THRB: variants seen among roughly 807,000 people sequenced by gnomAD.
THRB encodes thyroid hormone receptor beta.
THRB carries 12 observed loss-of-function variants against 47.8 expected under a neutral mutation model. The observed-to-expected ratio is 0.25, with a 90% CI of 0.16 to 0.41. The LOEUF is 0.41. Among genes scored for constraint, THRB ranks in the 10% least tolerant of loss-of-function variants. The probability of loss-of-function intolerance (pLI) is 1.00; values close to 1 mark genes in which losing one functional copy is unlikely to be tolerated. For missense variants in THRB, 348 were observed against 589.2 expected, an observed-to-expected ratio of 0.59 and a Z score of 4.24; for synonymous variants, 218 against 212.2, an observed-to-expected ratio of 1.03 and a Z score of -0.24.
chr3:24,270,807 G>C (rs1463550083), intron 3 of THRB, among the ~76,000 whole-genome samples: 2 of 152,132 alleles, frequency 1.3e-5, no homozygotes, highest in Non-Finnish European at 2.9e-5. Flanking sequence ...GGCTTGACTA[G>C]TTTATTTCTG....
At chr3:24,365,497 A>C (rs957389456) in intron 1 of THRB, among the ~76,000 whole-genome samples, 4 of 152,334 alleles carry the variant, frequency 2.6e-5, no homozygotes, top group South Asian at 2.1e-4. Flanking sequence ...CAATCTTTAG[A>C]AACTTGGGCC....
rs67972581 is a variant in THRB at position 24,159,727 on chromosome 3, CTGTGTGTGTGTGTGTGTG to C, written c.284-7255_284-7238del. Among the ~76,000 whole-genome samples the C allele has an allele frequency of 1.9e-3, 281 of 145,426 alleles. 1 individual carries two copies. Among genetic ancestry groups the C allele is most frequent in the Non-Finnish European group, 2.8e-3 (186 of 66,298 alleles). ...GAGACATTTTTGGTTGCCACAACTG[CTGTGTGTGTGTGTGTGTG>C]TGTGTGTGTGTGTGTGTGTGTGTGT... is the stretch of plus-strand genomic sequence containing the variant. On this transcript the variant is annotated intron_variant, in intron 5 of 10. Coordinates refer to ENST00000646209, the MANE Select transcript of THRB (RefSeq NM_001354712.2).
intron 1 of THRB, among the ~76,000 whole-genome samples, chr3:24,447,264 T>C (rs2072188458): frequency 6.6e-6 from 1 of 152,210 alleles, no homozygotes; most frequent in African/African-American, 2.4e-5. Context: ...TGCATTACCA[T>C]GAGAAAACCC....
Position 24,122,718 on chromosome 3 carries a change from C to A in THRB, c.*166G>T, listed in dbSNP as rs2031913443. 1 of 880,494 alleles carries A rather than the reference C, an allele frequency of 1.1e-6. No homozygotes were observed. The highest frequency in any genetic ancestry group is 1.7e-5 in the African/African-American group (1 of 59,766). 54.5% of individuals were successfully genotyped at this position (880,494 alleles called of 1,614,324 possible). A position where few individuals can be genotyped will look rare whatever the true frequency, so the allele number is the denominator to read the frequency against. On this transcript the variant is annotated 3_prime_UTR_variant, in exon 11 of 11. Coordinates refer to ENST00000646209, the MANE Select transcript of THRB (RefSeq NM_001354712.2). Reference sequence around the variant, plus strand: ...AACGAAATGCAATAGTTTCAAGTACCCGCATTCAAGGGGCAATTTCATCCA... The same window carrying A: ...AACGAAATGCAATAGTTTCAAGTACACGCATTCAAGGGGCAATTTCATCCA...
chr3:24,443,281 A>G (rs1366483985), intron 1 of THRB, among the ~76,000 whole-genome samples: 1 of 152,224 alleles, frequency 6.6e-6, no homozygotes, highest in Non-Finnish European at 1.5e-5. Flanking sequence ...TGAATTGATT[A>G]GAGAAAACAA....
chr3:24,426,503 G>A (rs143033164), intron 1 of THRB, among the ~76,000 whole-genome samples: 10 of 151,998 alleles, frequency 6.6e-5, no homozygotes, highest in Non-Finnish European at 1.5e-4. Flanking sequence ...TGACTGCAAA[G>A]CTAGCCATGT....
intron 1 of THRB, among the ~76,000 whole-genome samples, chr3:24,378,331 C>T (rs2065447076): frequency 6.6e-6 from 1 of 152,156 alleles, no homozygotes; most frequent in South Asian, 2.1e-4. Context: ...ATCATCTCTG[C>T]ACTTGTTAGG....
chr3:24,194,507 G>A (rs1422324337), intron 4 of THRB, among the ~76,000 whole-genome samples: 3 of 152,096 alleles, frequency 2.0e-5, no homozygotes, highest in Non-Finnish European at 4.4e-5. Context: ...TAGTTATGGT[G>A]AATTAAAAAT....
At chr3:24,404,393 T>G (rs1416688918) in intron 1 of THRB, among the ~76,000 whole-genome samples, 1 of 151,932 alleles carries the variant, frequency 6.6e-6, no homozygotes. Flanking sequence ...ATTTTCACAC[T>G]TATCATAAAA....
At chr3:24,218,030 G>T (rs1356549741) in intron 4 of THRB, among the ~76,000 whole-genome samples, 1 of 152,128 alleles carries the variant, frequency 6.6e-6, no homozygotes, top group Admixed American at 6.6e-5. Flanking sequence ...ACTTTGGGAG[G>T]CTGAGGCAGG....
At chr3:24,352,971 T>A (rs1342812791) in intron 1 of THRB, among the ~76,000 whole-genome samples, 1 of 152,156 alleles carries the variant, frequency 6.6e-6, no homozygotes, top group East Asian at 1.9e-4. Context: ...ACTCTAGTTT[T>A]TTCATTCATT....
chr3:24,149,964 GAGA>G (rs1176386793), intron 6 of THRB, among the ~76,000 whole-genome samples: 3 of 152,276 alleles, frequency 2.0e-5, no homozygotes, highest in African/African-American at 4.8e-5. Flanking sequence ...TTTGTATTCT[GAGA>G]AGAACTGTAT....
chr3:24,445,028 T>C (rs999938422), intron 1 of THRB, among the ~76,000 whole-genome samples: 11 of 152,112 alleles, frequency 7.2e-5, no homozygotes, highest in African/African-American at 2.7e-4. Context: ...CAAATTATAA[T>C]GGGATATATA....
intron 3 of THRB, among the ~76,000 whole-genome samples, chr3:24,246,103 G>A (rs1194841579): frequency 1.3e-5 from 2 of 152,106 alleles, no homozygotes; most frequent in Non-Finnish European, 2.9e-5. Flanking sequence ...GTCCCTTACG[G>A]AGATGTTGTA....
At chr3:24,175,337 A>G (rs1428497960) in intron 5 of THRB, among the ~76,000 whole-genome samples, 11 of 152,206 alleles carry the variant, frequency 7.2e-5, no homozygotes, top group African/African-American at 2.4e-4. Flanking sequence ...GAGTCCTAGC[A>G]TAGTGTCTTT....
chr3:24,325,233 T>C (rs2058728938), intron 2 of THRB, among the ~76,000 whole-genome samples: 1 of 152,158 alleles, frequency 6.6e-6, no homozygotes, highest in Non-Finnish European at 1.5e-5. Context: ...GGTCCCTAGA[T>C]TGGTAGGTAG....
chr3:24,403,567 G>C (rs908426430), intron 1 of THRB, among the ~76,000 whole-genome samples: 2 of 151,912 alleles, frequency 1.3e-5, no homozygotes, highest in African/African-American at 4.8e-5. Context: ...GCAGTAAGGA[G>C]TAAATCTGTG....
intron 3 of THRB, among the ~76,000 whole-genome samples, chr3:24,274,076 G>C: frequency 6.6e-6 from 1 of 152,222 alleles, no homozygotes; most frequent in African/African-American, 2.4e-5. Context: ...ATGCTCACCT[G>C]TGAAATGTGA....
chr3:24,117,822 A>G lies in THRB; in HGVS notation c.*5062T>C, dbSNP rs2030929540. On this transcript the variant is annotated 3_prime_UTR_variant, in exon 11 of 11. Transcript: ENST00000646209. Reference sequence around the variant, plus strand: ...TAGCTTTTTGTTACTTGTCATAGAAAGAATCTCAATTAACATGTGTTCAGG... The same window carrying G: ...TAGCTTTTTGTTACTTGTCATAGAAGGAATCTCAATTAACATGTGTTCAGG... 1 of 152,256 alleles carries G rather than the reference A, an allele frequency of 6.6e-6. No individual in the cohort carries two copies. Among genetic ancestry groups the G allele is most frequent in the Non-Finnish European group, 1.5e-5 (1 of 68,046 alleles). 9.4% of individuals were successfully genotyped at this position (152,256 alleles called of 1,614,324 possible).
Sources: allele counts gnomAD v4.1 joint callset (sites outside exome capture counted in the v4.1 genomes callset), GRCh38; gene constraint gnomAD v4.1.1; transcripts MANE v1.5; gene names NCBI Gene and HGNC (gene_info 2026-07-23, HGNC 2026-07-21).